The following NLGN1 variants were observed in gnomAD, a reference collection of about 807,000 sequenced individuals.
NLGN1 encodes the protein neuroligin 1.
Under a neutral mutation model 65.5 loss-of-function variants are expected in NLGN1, and 12 were observed. The observed-to-expected ratio is 0.18, with a 90% CI of 0.12 to 0.30. NLGN1 has a LOEUF of 0.30. NLGN1 is among the 10% of genes least tolerant of loss of function. The pLI is 1.00. For missense variants in NLGN1, 750 were observed against 1,007.1 expected (o/e 0.74, Z 3.46); for synonymous variants, 350 against 359.5 (o/e 0.97, Z 0.30).
chr3:173,458,556 C>T (rs538674458), intron 2 of NLGN1, among the ~76,000 whole-genome samples: 23 of 152,140 alleles, frequency 1.5e-4, no homozygotes, highest in African/African-American at 4.8e-4. Context: ...AGACTCCTCC[C>T]CAAACTCCAG....
At chr3:174,264,652 T>G (rs540455501) in intron 4 of NLGN1, among the ~76,000 whole-genome samples, 1 of 150,840 alleles carries the variant, frequency 6.6e-6, no homozygotes, top group African/African-American at 2.4e-5. Flanking sequence ...CTCAGAGTAA[T>G]TTGATCGTCT....
chr3:173,612,242 A>G (rs1455492395), intron 3 of NLGN1, among the ~76,000 whole-genome samples: 1 of 152,148 alleles, frequency 6.6e-6, no homozygotes, highest in Non-Finnish European at 1.5e-5. Context: ...TTGTAGAAGC[A>G]TAATTTCTAA....
intron 3 of NLGN1, among the ~76,000 whole-genome samples, chr3:173,798,318 C>T (rs1714627767): frequency 6.6e-6 from 1 of 151,726 alleles, no homozygotes; most frequent in Non-Finnish European, 1.5e-5. Context: ...TACATAGCAG[C>T]CTAGAAAATA....
intron 4 of NLGN1, among the ~76,000 whole-genome samples, chr3:174,141,880 A>G (rs1293988460): frequency 3.9e-5 from 6 of 152,244 alleles, no homozygotes; most frequent in Non-Finnish European, 5.9e-5. Flanking sequence ...TTAAATGTTA[A>G]ACACATGAAA....
At chr3:173,862,928 C>G (rs1729428419) in intron 4 of NLGN1, among the ~76,000 whole-genome samples, 1 of 151,988 alleles carries the variant, frequency 6.6e-6, no homozygotes, top group South Asian at 2.1e-4. Context: ...ACCCCTATAC[C>G]CATTATAAAA....
rs560306119 is a variant in NLGN1 at position 173,876,143 on chromosome 3, T to A, written c.646+68311T>A. Among the ~76,000 whole-genome samples, 422 of 152,240 alleles carry A rather than the reference T, an allele frequency of 2.8e-3. 4 individuals are homozygous for A. Among genetic ancestry groups the A allele is most frequent in the African/African-American group, 9.6e-3 (398 of 41,544 alleles). On this transcript the variant is annotated intron_variant, in intron 4 of 6. Transcript: ENST00000457714. ...AGTAACATATTTAAAAATGTCAAGT[T>A]GGTAGGGGTTCTTAAAGGAAACAAG... is the stretch of plus-strand genomic sequence containing the variant.
At position 174,207,762 on chromosome 3, in the gene NLGN1, G is replaced by A. The variant is rs542713525; in HGVS notation, c.647-67553G>A. 1.4e-3 allele frequency among the ~76,000 whole-genome samples: 214 copies of A among 152,150 alleles called. 1 individual carries two copies. Among genetic ancestry groups the A allele is most frequent in the Middle Eastern group, 0.01 (3 of 294 alleles). On this transcript the variant is annotated intron_variant, in intron 4 of 6. Coordinates refer to ENST00000457714, the Ensembl canonical transcript of NLGN1. ...CATGTGTCTTGCTGTCTCAACAAAC[G>A]ACAATCTCTTATGCCTCTTTCAACC...
intron 1 of NLGN1, among the ~76,000 whole-genome samples, chr3:173,421,814 C>T (rs188157453): frequency 1.8e-4 from 27 of 152,220 alleles, no homozygotes; most frequent in Admixed American, 9.8e-4. Flanking sequence ...AGCTACCACA[C>T]CTGGCCCAGT....
chr3:173,816,212 G>T (rs968663507), intron 4 of NLGN1, among the ~76,000 whole-genome samples: 6 of 151,908 alleles, frequency 3.9e-5, no homozygotes, highest in African/African-American at 1.4e-4. Flanking sequence ...AAGAGCAATA[G>T]TAATGGTGGC....
intron 3 of NLGN1, chr3:173,800,283 T>C: frequency 9.1e-7 from 1 of 1,094,984 alleles, no homozygotes; most frequent in Non-Finnish European, 1.2e-6. Context: ...TTCTCCGTTC[T>C]CAATCCTAGG....
chr3:174,218,962 A>G (rs1421422), intron 4 of NLGN1, among the ~76,000 whole-genome samples: 111,693 of 151,932 alleles, frequency 0.74, 41,104 homozygotes, highest in East Asian at 0.8. Context: ...AACAGTCCTG[A>G]TTTATGTTCA....
At chr3:173,989,316 T>A (rs1720596969) in intron 4 of NLGN1, among the ~76,000 whole-genome samples, 1 of 152,192 alleles carries the variant, frequency 6.6e-6, no homozygotes, top group Non-Finnish European at 1.5e-5. Context: ...CTAAGAGACC[T>A]TGAAAAACTC....
At chr3:173,605,784 C>G (rs1365323704) in intron 3 of NLGN1, among the ~76,000 whole-genome samples, 191 bp downstream of exon 3, 2 of 152,028 alleles carry the variant, frequency 1.3e-5, no homozygotes, top group African/African-American at 4.8e-5. Flanking sequence ...ATTGGCAAAG[C>G]TCATTGGTTG....
intron 1 of NLGN1, among the ~76,000 whole-genome samples, chr3:173,431,696 AT>A (rs1317850856): frequency 2.6e-5 from 4 of 152,160 alleles, no homozygotes; most frequent in African/African-American, 9.7e-5. Context: ...GTACATTGTT[AT>A]GAAGAGTGAA....
At chr3:173,445,700 A>G (rs751146489) in intron 2 of NLGN1, among the ~76,000 whole-genome samples, 12 of 152,222 alleles carry the variant, frequency 7.9e-5, no homozygotes, top group Non-Finnish European at 1.3e-4. Context: ...TGTTTTCTAC[A>G]TATCAGCAGC....
chr3:173,500,203 C>G (rs1246544099), intron 2 of NLGN1, among the ~76,000 whole-genome samples: 1 of 151,982 alleles, frequency 6.6e-6, no homozygotes, highest in East Asian at 1.9e-4. Context: ...ATAGATAGCT[C>G]TTATTATTTT....
chr3:173,792,720 G>A (rs947049287), intron 3 of NLGN1, among the ~76,000 whole-genome samples: 18 of 152,100 alleles, frequency 1.2e-4, no homozygotes, highest in African/African-American at 4.3e-4. Flanking sequence ...CTGGATTTGA[G>A]CATTTAGTAT....
chr3:173,939,185 A>C (rs1745554066), intron 4 of NLGN1, among the ~76,000 whole-genome samples: 1 of 152,188 alleles, frequency 6.6e-6, no homozygotes, highest in South Asian at 2.1e-4. Context: ...ATATGTGTGT[A>C]TATATGTATA....
intron 2 of NLGN1, among the ~76,000 whole-genome samples, chr3:173,485,413 G>T (rs1249801628): frequency 6.6e-6 from 1 of 152,034 alleles, no homozygotes; most frequent in African/African-American, 2.4e-5. Context: ...TTCAAAAATT[G>T]TTGTGCTTAT....
Sources: gnomAD v4.1 joint callset for allele counts (sites outside exome capture counted in the v4.1 genomes callset) on GRCh38, gnomAD v4.1.1 for gene constraint, MANE v1.5 for transcripts, NCBI Gene and HGNC (gene_info 2026-07-23, HGNC 2026-07-21) for gene names.